The following ZC3H4 variants were observed in gnomAD, a reference collection of about 807,000 sequenced individuals.
The protein encoded by ZC3H4 is zinc finger CCCH-type containing 4.
Under a neutral mutation model 108.3 loss-of-function variants are expected in ZC3H4, and 13 were observed. The observed-to-expected ratio is 0.12, with a 90% CI of 0.08 to 0.19. The LOEUF is 0.19. ZC3H4 is among the 10% of genes least tolerant of loss of function. ZC3H4 has a pLI of 1.00. For synonymous variants in ZC3H4, 917 were observed against 749.6 expected, an observed-to-expected ratio of 1.22 and a Z score of -3.65; for missense variants, 1,734 against 1,838.8, an observed-to-expected ratio of 0.94 and a Z score of 1.04.
intron 11 of ZC3H4, among the ~76,000 whole-genome samples, chr19:47,077,814 G>A (rs546142218): frequency 2.7e-5 from 4 of 147,288 alleles, no homozygotes; most frequent in African/African-American, 5.0e-5. Flanking sequence ...CCAAGATCGC[G>A]CCACTGTGCT....
At chr19:47,098,821 A>G (rs1163432648) in intron 2 of ZC3H4, among the ~76,000 whole-genome samples, 3 of 152,240 alleles carry the variant, frequency 2.0e-5, no homozygotes, top group African/African-American at 7.2e-5. Context: ...TGATATTTCA[A>G]AGGAGATATT....
rs577371879 is a variant in ZC3H4, at chr19:47,105,552, T to G, written c.161+6872A>C. Among the ~76,000 whole-genome samples, 11 of 152,214 alleles carry G rather than the reference T, an allele frequency of 7.2e-5. No individual in the cohort carries two copies. The South Asian group carries it at 2.3e-3, about 32-fold the overall frequency. On this transcript the variant is annotated intron_variant, in intron 2 of 14. Coordinates refer to ENST00000253048, the MANE Select transcript of ZC3H4 (RefSeq NM_015168.2). ...AGGCAGAGGTTGCAGTGAGCCAAGATCATGCCACCGCACTCCAGCCTGGGT... is the reference window on the plus strand; with the variant it reads ...AGGCAGAGGTTGCAGTGAGCCAAGAGCATGCCACCGCACTCCAGCCTGGGT...
At chr19:47,077,498 G>A (rs1313774107) in intron 11 of ZC3H4, among the ~76,000 whole-genome samples, 5 of 151,268 alleles carry the variant, frequency 3.3e-5, no homozygotes, top group East Asian at 1.9e-4. Context: ...TACCAAAGAG[G>A]ACACACAAAA....
Position 47,072,832 on chromosome 19 carries a change from A to G in ZC3H4, c.1441-119T>C. ...CCATAATACAAGGACCTTGAGATCTAAAGGCATAAAGACCACAATGGCTCT... is the reference window on the plus strand; with the variant it reads ...CCATAATACAAGGACCTTGAGATCTGAAGGCATAAAGACCACAATGGCTCT... On this transcript the variant is annotated intron_variant, in intron 11 of 14. Transcript: ENST00000253048. This position sits in a 1 kb window ranked among gnomAD's most constrained non-coding sequence, Gnocchi z 5.6. 1 of 1,162,812 alleles carries G rather than the reference A, an allele frequency of 8.6e-7. No homozygotes were observed. Among genetic ancestry groups the G allele is most frequent in the Non-Finnish European group, 1.2e-6 (1 of 833,712 alleles). The allele number at this position is 1,162,812 out of a possible 1,614,324, so 72.0% of individuals were successfully genotyped here.
intron 11 of ZC3H4, among the ~76,000 whole-genome samples, chr19:47,077,131 G>C (rs1426545426): frequency 6.6e-6 from 1 of 152,040 alleles, no homozygotes; most frequent in South Asian, 2.1e-4. Flanking sequence ...CTGCACTCCA[G>C]CCTGGACGAC....
At chr19:47,090,503 G>T (rs1044638364) in intron 4 of ZC3H4, among the ~76,000 whole-genome samples, 1 of 152,208 alleles carries the variant, frequency 6.6e-6, no homozygotes, top group Non-Finnish European at 1.5e-5. Flanking sequence ...GCAAGCGCAC[G>T]TGGAGGGGCC....
intron 4 of ZC3H4, among the ~76,000 whole-genome samples, chr19:47,092,407 C>A (rs761611102): frequency 1.5e-4 from 23 of 152,174 alleles, no homozygotes; most frequent in Non-Finnish European, 2.9e-4. Context: ...GAAGGCCAAA[C>A]CTACACCAGT....
chr19:47,083,224 G>T (rs1167475557), intron 9 of ZC3H4, among the ~76,000 whole-genome samples: 1 of 150,842 alleles, frequency 6.6e-6, no homozygotes, highest in Non-Finnish European at 1.5e-5. Flanking sequence ...GGCAGAGCTT[G>T]CAGTGAGGCA....
intron 14 of ZC3H4, among the ~76,000 whole-genome samples, 190 bp downstream of exon 14, chr19:47,068,902 G>A (rs558594346): frequency 6.6e-6 from 1 of 152,144 alleles, no homozygotes; most frequent in East Asian, 1.9e-4. Flanking sequence ...AACACAGAAA[G>A]CCACCCCTGA....
At chr19:47,096,936 C>T (rs1000542865) in intron 2 of ZC3H4, 5 of 985,414 alleles carry the variant, frequency 5.1e-6, no homozygotes, top group Non-Finnish European at 6.0e-6. Context: ...GCACAGCAGG[C>T]GACAGTCTTG....
chr19:47,073,262 ACT>A (rs2057361939), intron 11 of ZC3H4, among the ~76,000 whole-genome samples: 2 of 150,906 alleles, frequency 1.3e-5, no homozygotes, highest in South Asian at 4.2e-4. Context: ...AACAGAGGAG[ACT>A]CTGTCTCAAA....
At chr19:47,089,609 G>A (rs2057695188) in intron 5 of ZC3H4, among the ~76,000 whole-genome samples, 2 of 152,210 alleles carry the variant, frequency 1.3e-5, no homozygotes, top group Non-Finnish European at 2.9e-5. Flanking sequence ...CACTTTGTCA[G>A]GTGATGGGGC....
intron 2 of ZC3H4, among the ~76,000 whole-genome samples, chr19:47,107,475 C>T (rs1226630629): frequency 6.6e-6 from 1 of 152,110 alleles, no homozygotes; most frequent in East Asian, 1.9e-4. Flanking sequence ...TCCTCCACAT[C>T]CTGTTGCCAC....
chr19:47,079,287 C>T (rs912092043), intron 11 of ZC3H4, among the ~76,000 whole-genome samples: 2 of 151,590 alleles, frequency 1.3e-5, no homozygotes, highest in Non-Finnish European at 2.9e-5. Context: ...CCTCGGCATC[C>T]CACAGTGGGG....
chr19:47,074,670 C>A (rs879261341), intron 11 of ZC3H4, among the ~76,000 whole-genome samples: 37 of 152,340 alleles, frequency 2.4e-4, no homozygotes, highest in Non-Finnish European at 4.3e-4. Flanking sequence ...CTTTGCCCCC[C>A]AAATCTGGAA....
rs561387643 is a variant in ZC3H4 at position 47,065,342 on chromosome 19, G to A, written c.*1014C>T. On this transcript the variant is annotated 3_prime_UTR_variant, in exon 15 of 15. Coordinates refer to ENST00000253048, the MANE Select transcript of ZC3H4 (RefSeq NM_015168.2). Reference sequence around the variant, plus strand: ...TGCAGGTCACACAGTGTAAGGAGGTGCGAGGAAAACAGAGAACACTTGGCC... The same window carrying A: ...TGCAGGTCACACAGTGTAAGGAGGTACGAGGAAAACAGAGAACACTTGGCC... The A allele has an allele frequency of 6.5e-6, 1 of 152,974 alleles. No homozygotes were observed. The highest frequency in any genetic ancestry group is 1.9e-4 in the East Asian group (1 of 5,194). The allele number at this position is 152,974 out of a possible 1,614,324, so 9.5% of individuals were successfully genotyped here. A position where few individuals can be genotyped will look rare whatever the true frequency, so the allele number is the denominator to read the frequency against.
intron 14 of ZC3H4, 47 bp downstream of exon 14, chr19:47,069,045 C>T (rs927394308): frequency 1.2e-6 from 2 of 1,600,190 alleles, no homozygotes; most frequent in East Asian, 4.5e-5. Context: ...CGCTCCCCTG[C>T]ACAGCGGCCT....
At chr19:47,083,071 G>T (rs1038544930) in intron 9 of ZC3H4, among the ~76,000 whole-genome samples, 1 of 152,008 alleles carries the variant, frequency 6.6e-6, no homozygotes, top group Admixed American at 6.5e-5. Flanking sequence ...TTGAGACAGA[G>T]TCTGGCTCTG....
intron 4 of ZC3H4, 26 bp downstream of exon 4, chr19:47,093,944 C>T (rs771011324): frequency 1.8e-5 from 28 of 1,593,102 alleles, no homozygotes; most frequent in Admixed American, 5.0e-5. Context: ...GGCCCCAGAG[C>T]TCAGCAGTGC....
Sources: gnomAD v4.1 joint callset for allele counts (sites outside exome capture counted in the v4.1 genomes callset) on GRCh38, gnomAD v4.1.1 for gene constraint, Gnocchi (gnomAD v3.1) non-coding constraint, MANE v1.5 for transcripts, NCBI Gene and HGNC (gene_info 2026-07-23, HGNC 2026-07-21) for gene names.